The following ANO2 variants were observed in gnomAD, a reference collection of about 807,000 sequenced individuals.
ANO2 encodes anoctamin 2, also known as anoctamin-2.
A neutral mutation model predicts 124.2 loss-of-function variants in ANO2; 101 were observed. That is an observed-to-expected ratio of 0.81 (90% CI 0.69 to 0.96). The LOEUF (loss-of-function observed/expected upper bound fraction) is 0.96, where lower values mean the gene tolerates loss of function less well. ANO2 is among the 40% of genes least tolerant of loss of function. The probability of loss-of-function intolerance (pLI) is 0.00; values close to 1 mark genes in which losing one functional copy is unlikely to be tolerated. For missense variants in ANO2, 1,293 were observed against 1,274.5 expected (o/e 1.01, Z -0.22); for synonymous variants, 486 against 482.5 (o/e 1.01, Z -0.09).
chr12:5,922,318 T>G (rs562554783), intron 2 of ANO2, among the ~76,000 whole-genome samples: 3 of 152,184 alleles, frequency 2.0e-5, no homozygotes, highest in African/African-American at 7.2e-5. Context: ...AGAGCCACCA[T>G]AGCAGAGAAG....
intron 22 of ANO2, 99 bp from the exon 23 acceptor site, chr12:5,576,114 A>T: frequency 8.1e-7 from 1 of 1,231,318 alleles, no homozygotes; most frequent in Non-Finnish European, 1.1e-6. Context: ...TCTGACTGAT[A>T]CAGAAGCTCA....
Position 5,868,109 on chromosome 12 carries a change from TACCCCATTGTCC to T in ANO2, c.535-13980_535-13969del, listed in dbSNP as rs1472464673. ...AAGGATAAATGTTTGAAGGGACAGATACCCCATTGTCCACAATGTGATTATTACGAATTACAT... is the reference window on the plus strand; with the variant it reads ...AAGGATAAATGTTTGAAGGGACAGATACAATGTGATTATTACGAATTACAT... On this transcript the variant is annotated intron_variant, in intron 3 of 24. Coordinates refer to ENST00000682330, the MANE Select transcript of ANO2 (RefSeq NM_001364791.2). 2.0e-5 allele frequency among the ~76,000 whole-genome samples: 3 copies of T among 152,312 alleles called. No individual in the cohort carries two copies. The South Asian group carries it at 6.2e-4, about 32-fold the overall frequency.
intron 10 of ANO2, among the ~76,000 whole-genome samples, chr12:5,796,012 AC>A (rs1952833316): frequency 6.6e-6 from 1 of 152,150 alleles, no homozygotes; most frequent in Admixed American, 6.5e-5. Flanking sequence ...CATGTTTCTG[AC>A]AAGGCACAAG....
In ANO2 at chr12:5,739,340, G is replaced by C; in HGVS notation, c.1411C>G (p.Leu471Val). 6 of 1,606,450 alleles carry C rather than the reference G, an allele frequency of 3.7e-6. No homozygotes were observed. The highest frequency in any genetic ancestry group is 5.1e-6 in the Non-Finnish European group (6 of 1,176,478). ...LQMRLGYFWD[L>V]TGIEEEEEHS... The stretch of plus-strand genomic sequence containing the variant: ...ACTTCTTCCTCTTCTATGCCAGTCA[G>C]GTCCCAAAAGTAGCCCAGTCGCATC... The change falls in exon 13 of 25, where the codon CTG becomes GTG. Residue 471 changes from leucine (L) to valine (V), a missense_variant. Transcript: ENST00000682330.
intron 3 of ANO2, among the ~76,000 whole-genome samples, chr12:5,914,837 G>T (rs1941285809): frequency 2.0e-5 from 3 of 152,192 alleles, no homozygotes; most frequent in Admixed American, 2.0e-4. Flanking sequence ...GGATTGTACT[G>T]TGCCTGGTTC....
chr12:5,806,393 C>T (rs1033392890), intron 8 of ANO2, among the ~76,000 whole-genome samples: 2 of 152,192 alleles, frequency 1.3e-5, no homozygotes, highest in Admixed American at 6.5e-5. Flanking sequence ...AATGGTTTAG[C>T]CCATCACGTG....
At chr12:5,581,498 G>A (rs565271523) in intron 20 of ANO2, among the ~76,000 whole-genome samples, 1 of 152,104 alleles carries the variant, frequency 6.6e-6, no homozygotes, top group East Asian at 1.9e-4. Flanking sequence ...CTCTTCATTT[G>A]AACTCCAGAG....
At chr12:5,782,276 G>A (rs111848964) in intron 10 of ANO2, among the ~76,000 whole-genome samples, 5,264 of 152,044 alleles carry the variant, frequency 0.035, 301 homozygotes, top group African/African-American at 0.12. Flanking sequence ...TTTAATTAGC[G>A]TTTATATGGT....
At chr12:5,608,496 T>G (rs3782593) in intron 19 of ANO2, among the ~76,000 whole-genome samples, 35,331 of 151,808 alleles carry the variant, frequency 0.23, 4,264 homozygotes, top group African/African-American at 0.27. Flanking sequence ...GTATTTGGAA[T>G]CAGCAGTGAC....
intron 14 of ANO2, among the ~76,000 whole-genome samples, chr12:5,728,161 G>C (rs1289756191): frequency 6.6e-6 from 1 of 152,126 alleles, no homozygotes. Context: ...ATTAGGAAAT[G>C]GGTGGAGCAA....
At chr12:5,609,989 ATATT>A (rs908583241) in intron 19 of ANO2, among the ~76,000 whole-genome samples, 5 of 141,806 alleles carry the variant, frequency 3.5e-5, no homozygotes, top group Non-Finnish European at 6.1e-5. Context: ...ATGCATTTAT[ATATT>A]TATATATAAG....
chr12:5,765,758 T>G (rs1951872755), intron 10 of ANO2, among the ~76,000 whole-genome samples: 1 of 152,242 alleles, frequency 6.6e-6, no homozygotes, highest in Non-Finnish European at 1.5e-5. Context: ...CAAACACCAC[T>G]GTTGTGAGTG....
At chr12:5,946,161 G>GA, upstream of ANO2, 1 of 1,613,892 alleles carries the variant, frequency 6.2e-7, no homozygotes, top group South Asian at 1.1e-5. This position sits in a 1 kb window ranked among gnomAD's most constrained non-coding sequence, Gnocchi z 4.1. Context: ...CTTCAGGCAT[G>GA]AAGATTTTCT....
At chr12:5,743,419 G>A (rs1951167517) in intron 12 of ANO2, among the ~76,000 whole-genome samples, 1 of 152,162 alleles carries the variant, frequency 6.6e-6, no homozygotes, top group African/African-American at 2.4e-5. Context: ...TCTTAGAAAT[G>A]CTCAGTTACC....
At chr12:5,825,499 C>A (rs1407126195) in intron 7 of ANO2, among the ~76,000 whole-genome samples, 1 of 152,186 alleles carries the variant, frequency 6.6e-6, no homozygotes, top group Non-Finnish European at 1.5e-5. Flanking sequence ...CACAGCATTA[C>A]GTTCTGCTGG....
chr12:5,775,607 G>A (rs542847297), intron 10 of ANO2, among the ~76,000 whole-genome samples: 4 of 152,028 alleles, frequency 2.6e-5, no homozygotes, highest in African/African-American at 7.2e-5. Flanking sequence ...GAGTACAGGC[G>A]TCTGCCACCA....
intron 14 of ANO2, among the ~76,000 whole-genome samples, chr12:5,707,222 G>A (rs138856299): frequency 0.011 from 1,683 of 151,974 alleles, 28 homozygotes; most frequent in Admixed American, 0.038. Flanking sequence ...CTCTCCTGCC[G>A]CCATATAAGA....
chr12:5,807,277 G>A lies in ANO2; in HGVS notation c.948+36C>T, dbSNP rs1555167203. ...AAGTTGTGGTTTTCAAAGTTTTGAA[G>A]ACTACAGAGAGCACGCTGATGAAAA... On this transcript the variant is annotated intron_variant, in intron 8 of 24. Coordinates refer to ENST00000682330, the MANE Select transcript of ANO2 (RefSeq NM_001364791.2). The A allele has an allele frequency of 5.9e-6, 9 of 1,526,738 alleles. No individual in the cohort carries two copies. In the South Asian group the frequency reaches 1.0e-4, roughly 17 times the overall value. 94.6% of individuals were successfully genotyped at this position (1,526,738 alleles called of 1,614,324 possible).
At chr12:5,578,119 GC>G (rs938501522) in intron 21 of ANO2, 112 bp from the exon 22 acceptor site, 297 of 1,372,550 alleles carry the variant, frequency 2.2e-4, no homozygotes, top group Admixed American at 7.4e-4. Flanking sequence ...GCTTTGCTGG[GC>G]CCCCCCAGAA....
Sources: gnomAD v4.1 joint callset for allele counts (sites outside exome capture counted in the v4.1 genomes callset) on GRCh38, gnomAD v4.1.1 for gene constraint, Gnocchi (gnomAD v3.1) non-coding constraint, MANE v1.5 for transcripts, NCBI Gene and HGNC (gene_info 2026-07-23, HGNC 2026-07-21) for gene names.